The following TMEM67 variants were observed in gnomAD, a reference collection of about 807,000 sequenced individuals.
TMEM67 encodes meckelin.
A neutral mutation model predicts 136.6 loss-of-function variants in TMEM67; 124 were observed. That is an observed-to-expected ratio of 0.91 (90% CI 0.78 to 1.05). TMEM67 has a LOEUF of 1.05. Among genes scored for constraint, TMEM67 ranks in the 50% least tolerant of loss-of-function variants. The pLI, the probability that TMEM67 is intolerant of heterozygous loss-of-function variation, is 0.00. For missense variants in TMEM67, 1,107 were observed against 1,178.4 expected, an observed-to-expected ratio of 0.94 and a Z score of 0.89; for synonymous variants, 364 against 390.5, an observed-to-expected ratio of 0.93 and a Z score of 0.80.
the TMEM67 span, among the ~76,000 whole-genome samples, chr8:93,829,714 C>T: frequency 1.3e-5 from 2 of 152,078 alleles, no homozygotes; most frequent in Non-Finnish European, 2.9e-5. Context: ...CCCTTTCTTT[C>T]TCTCTCTTTT....
At chr8:93,810,779 A>G (rs1024932354) in intron 26 of TMEM67, among the ~76,000 whole-genome samples, 3 of 152,214 alleles carry the variant, frequency 2.0e-5, no homozygotes, top group African/African-American at 7.2e-5. Context: ...TAAAATTCAG[A>G]TTTTATTGGA....
chr8:93,793,126 A>T, intron 15 of TMEM67, 72 bp from the exon 16 acceptor site: 1 of 1,386,108 alleles, frequency 7.2e-7, no homozygotes, highest in Non-Finnish European at 1.0e-6. Context: ...GCACTTCCTT[A>T]CTTGTTCACA....
chr8:93,784,055 T>C (rs905680794), intron 11 of TMEM67, among the ~76,000 whole-genome samples: 6 of 152,206 alleles, frequency 3.9e-5, no homozygotes, highest in South Asian at 2.1e-4. Context: ...AATACCATTA[T>C]GGAAAGTAGA....
intron 7 of TMEM67, among the ~76,000 whole-genome samples, chr8:93,775,322 A>T (rs1813491197): frequency 6.6e-6 from 1 of 152,196 alleles, no homozygotes; most frequent in Non-Finnish European, 1.5e-5. Context: ...CTCTGATGAC[A>T]GTTTCTTTTG....
intron 23 of TMEM67, 77 bp downstream of exon 23, chr8:93,804,955 A>C: frequency 2.2e-6 from 2 of 916,332 alleles, no homozygotes; most frequent in Non-Finnish European, 3.5e-6. Context: ...GTTTTAAAAA[A>C]AAAACAGTCT....
intron 15 of TMEM67, among the ~76,000 whole-genome samples, chr8:93,792,826 A>C (rs924084320): frequency 7.0e-6 from 1 of 141,916 alleles, no homozygotes; most frequent in African/African-American, 2.7e-5. Context: ...GCTGGAGTGC[A>C]GTGGCGCGAT....
At chr8:93,770,233 T>A (rs1813271019) in intron 6 of TMEM67, among the ~76,000 whole-genome samples, 1 of 152,170 alleles carries the variant, frequency 6.6e-6, no homozygotes, top group South Asian at 2.1e-4. Flanking sequence ...TATATGTAAA[T>A]ATATACGCAA....
At chr8:93,797,032 G>A in intron 18 of TMEM67, 102 bp from the exon 19 acceptor site, 1 of 743,992 alleles carries the variant, frequency 1.3e-6, no homozygotes, top group Non-Finnish European at 2.4e-6. Context: ...AAAATTATAT[G>A]TTCTTGTGAT....
rs1475466139 is a variant in TMEM67 at position 93,797,244 on chromosome 8, T to TA, written c.1960+17dup. On this transcript the variant is annotated intron_variant, in intron 19 of 27. Coordinates refer to ENST00000453321, the MANE Select transcript of TMEM67 (RefSeq NM_153704.6). ...TTAAAGCTGTTGAAGGTAACTGAAA[T>TA]AAAAAATATTTGTACCAAAATTCTT... is the stretch of plus-strand genomic sequence containing the variant. The TA allele has an allele frequency of 6.2e-6, 10 of 1,611,416 alleles. No individual in the cohort carries two copies. The African/African-American group carries it at 1.2e-4, about 19-fold the overall frequency.
downstream of TMEM67, chr8:93,818,849 TTGGAA>T: frequency 3.3e-6 from 1 of 307,054 alleles, no homozygotes; most frequent in Admixed American, 4.9e-5. Context: ...ATCACCCAGG[TTGGAA>T]TGCAGTGGCA....
the TMEM67 span, among the ~76,000 whole-genome samples, chr8:93,829,176 G>A: frequency 8.6e-5 from 13 of 152,040 alleles, no homozygotes; most frequent in African/African-American, 2.2e-4. Context: ...TCTTCTTTGC[G>A]GTAGTACACC....
intron 21 of TMEM67, among the ~76,000 whole-genome samples, chr8:93,801,055 CA>C: frequency 6.6e-6 from 1 of 151,918 alleles, no homozygotes; most frequent in East Asian, 1.9e-4. Context: ...CAGCAGCAAG[CA>C]TCTAACTTTC....
At chr8:93,785,879 A>G in intron 12 of TMEM67, 1 of 295,222 alleles carries the variant, frequency 3.4e-6, no homozygotes. Context: ...TTGAAGACCA[A>G]CCTAGGCAAC....
intron 7 of TMEM67, 113 bp downstream of exon 7, chr8:93,772,764 C>T: frequency 1.4e-6 from 1 of 739,014 alleles, no homozygotes; most frequent in South Asian, 1.7e-5. Context: ...TGGTCATAAT[C>T]TTATAAGAAG....
intron 11 of TMEM67, among the ~76,000 whole-genome samples, chr8:93,784,683 A>G (rs2130683515): frequency 6.6e-6 from 1 of 152,360 alleles, no homozygotes; most frequent in East Asian, 1.9e-4. Context: ...GAAATATCAG[A>G]CAGAAATCAC....
chr8:93,800,212 G>A (rs1285952996), intron 21 of TMEM67, among the ~76,000 whole-genome samples: 5 of 152,124 alleles, frequency 3.3e-5, no homozygotes, highest in Non-Finnish European at 1.5e-5. Context: ...CACCCAGCCA[G>A]TAGTCAATTC....
intron 11 of TMEM67, among the ~76,000 whole-genome samples, chr8:93,783,622 C>G (rs1359364961): frequency 6.6e-6 from 1 of 152,140 alleles, no homozygotes; most frequent in Non-Finnish European, 1.5e-5. Context: ...CGTTCTCACG[C>G]TGCTAATAAA....
chr8:93,831,481 AT>A, the TMEM67 span, among the ~76,000 whole-genome samples: 1 of 152,122 alleles, frequency 6.6e-6, no homozygotes, highest in African/African-American at 2.4e-5. Flanking sequence ...TAACAGGACT[AT>A]TTTTTTCTGT....
chr8:93,803,554 A>C, intron 21 of TMEM67, 50 bp from the exon 22 acceptor site: 3 of 1,265,322 alleles, frequency 2.4e-6, no homozygotes, highest in Non-Finnish European at 3.5e-6. Context: ...CTGTAAAAGA[A>C]AATTAAAATC....
Sources: allele counts gnomAD v4.1 joint callset (sites outside exome capture counted in the v4.1 genomes callset), GRCh38; gene constraint gnomAD v4.1.1; transcripts MANE v1.5; gene names NCBI Gene and HGNC (gene_info 2026-07-23, HGNC 2026-07-21).